The following LIPA variants were observed in gnomAD, a reference collection of about 807,000 sequenced individuals.
LIPA encodes lysosomal acid lipase/cholesteryl ester hydrolase.
Under a neutral mutation model 40.6 loss-of-function variants are expected in LIPA, and 26 were observed. That is an observed-to-expected ratio of 0.64 (90% CI 0.47 to 0.89). The LOEUF (loss-of-function observed/expected upper bound fraction) is 0.89, where lower values mean the gene tolerates loss of function less well. LIPA is among the 40% of genes least tolerant of loss of function. LIPA has a pLI of 0.00. For missense variants in LIPA, 455 were observed against 479.6 expected (o/e 0.95, Z 0.48); for synonymous variants, 188 against 168.4 (o/e 1.12, Z -0.90).
intron 1 of LIPA, chr10:89,339,980 T>C (rs116926108): frequency 1.9e-6 from 3 of 1,614,226 alleles, no homozygotes; most frequent in Non-Finnish European, 2.5e-6. Context: ...GAGAAGGAAC[T>C]GGGCCGCCTG....
At chr10:89,259,035 T>C (rs964891083) in intron 1 of LIPA, among the ~76,000 whole-genome samples, 1 of 152,158 alleles carries the variant, frequency 6.6e-6, no homozygotes, top group African/African-American at 2.4e-5. Flanking sequence ...TGCCTAGGGA[T>C]GATGGTGGGT....
chr10:89,320,279 T>C (rs1407660159), intron 1 of LIPA, among the ~76,000 whole-genome samples: 3 of 152,188 alleles, frequency 2.0e-5, no homozygotes, highest in Non-Finnish European at 4.4e-5. Context: ...AGTCAAATTG[T>C]CCCTGTGTGC....
rs771330022 is a variant in LIPA at position 89,225,115 on chromosome 10, G to C, written c.652C>G (p.Arg218Gly). The C allele has an allele frequency of 1.2e-6, 2 of 1,614,132 alleles. No homozygotes were observed. Among genetic ancestry groups the C allele is most frequent in the South Asian group, 1.1e-5 (1 of 91,076 alleles). Residue 218 changes from arginine to glycine, a missense_variant, in exon 6 of 10, where the codon CGA becomes GGA. Coordinates refer to ENST00000336233, the MANE Select transcript of LIPA (RefSeq NM_000235.4). ...FCTSPMAKLGRLPDHLIKDLF... is the reference protein window; with the variant it reads ...FCTSPMAKLGGLPDHLIKDLF... ...ACCTTAATGAGATGATCTGGTAATCGTCCTAATTTGGCCATAGGGCTAGTA... is the reference window on the plus strand; with the variant it reads ...ACCTTAATGAGATGATCTGGTAATCCTCCTAATTTGGCCATAGGGCTAGTA...
chr10:89,216,141 G>A, intron 8 of LIPA, 132 bp from the exon 9 acceptor site: 1 of 707,518 alleles, frequency 1.4e-6, no homozygotes, highest in South Asian at 1.5e-5. Context: ...TCATTTCCAA[G>A]GCATTATTTT....
chr10:89,397,568 GTCTTACTATGTTGCCCAGACTGA>G (rs1844362796), intron 2 of LIPA, among the ~76,000 whole-genome samples: 1 of 152,108 alleles, frequency 6.6e-6, no homozygotes, highest in South Asian at 2.1e-4. Flanking sequence ...TAGAGACAGG[GTCTTACTATGTTGCCCAGACTGA>G]TCTTAAACTT....
chr10:89,352,048 C>T (rs1033333305), intron 2 of LIPA, among the ~76,000 whole-genome samples: 6 of 152,146 alleles, frequency 3.9e-5, no homozygotes, highest in African/African-American at 1.4e-4. Context: ...TCAGACACAC[C>T]CCTTCCTTAT....
At chr10:89,338,305 C>A in intron 1 of LIPA, 1 of 187,764 alleles carries the variant, frequency 5.3e-6, no homozygotes, top group South Asian at 1.2e-4. Context: ...ACCAGGTAAG[C>A]CAATGGTGAA....
chr10:89,223,662 AT>A, intron 7 of LIPA, 21 bp downstream of exon 7: 1 of 1,586,744 alleles, frequency 6.3e-7, no homozygotes, highest in South Asian at 1.1e-5. Context: ...AAAAAATCAA[AT>A]CTTACTATAA....
At chr10:89,351,242 G>C (rs1364785907) in intron 2 of LIPA, among the ~76,000 whole-genome samples, 2 of 152,212 alleles carry the variant, frequency 1.3e-5, no homozygotes, top group African/African-American at 2.4e-5. Context: ...CTTGAGCCCA[G>C]GAGGTTGAGG....
At chr10:89,411,460 T>G (rs1346143514) in intron 2 of LIPA, among the ~76,000 whole-genome samples, 2 of 152,222 alleles carry the variant, frequency 1.3e-5, no homozygotes, top group Admixed American at 6.5e-5. Context: ...AATTCTAAGT[T>G]AATATGGACT....
chr10:89,324,497 G>A (rs1227050797), intron 1 of LIPA, among the ~76,000 whole-genome samples: 1 of 151,948 alleles, frequency 6.6e-6, no homozygotes, highest in Non-Finnish European at 1.5e-5. Context: ...AAGCAACTAC[G>A]ACAAAACCAA....
intron 1 of LIPA, among the ~76,000 whole-genome samples, chr10:89,324,762 GA>G (rs1426241196): frequency 1.3e-5 from 2 of 152,102 alleles, no homozygotes; most frequent in Non-Finnish European, 1.5e-5. Flanking sequence ...ATAAGAATAT[GA>G]AAAAATATGT....
chr10:89,247,663 C>G lies in LIPA; in HGVS notation c.-1-14G>C. The G allele has an allele frequency of 6.6e-7, 1 of 1,522,946 alleles. No homozygotes were observed. The highest frequency in any genetic ancestry group is 9.1e-7 in the Non-Finnish European group (1 of 1,097,276). The allele number at this position is 1,522,946 out of a possible 1,614,324, so 94.3% of individuals were successfully genotyped here. A position where few individuals can be genotyped will look rare whatever the true frequency, so the allele number is the denominator to read the frequency against. On this transcript the variant is annotated splice_polypyrimidine_tract_variant and intron_variant, in intron 1 of 9. Transcript: ENST00000336233. ...CGCATTTTCATTCTGTATAATAAAA[C>G]AGTCTATTATTATTTGCTTGAATTT... is the stretch of plus-strand genomic sequence containing the variant.
At chr10:89,312,267 C>T (rs185957975) in intron 1 of LIPA, among the ~76,000 whole-genome samples, 1 of 152,006 alleles carries the variant, frequency 6.6e-6, no homozygotes, top group Non-Finnish European at 1.5e-5. Flanking sequence ...ATGGTGAAAC[C>T]CTATCTCTAC....
At chr10:89,291,943 G>A (rs953025081) in intron 1 of LIPA, 1 of 152,174 alleles carries the variant, frequency 6.6e-6, no homozygotes, top group Non-Finnish European at 1.5e-5. Flanking sequence ...TCCAAGTAAA[G>A]ATGGTTAAGA....
chr10:89,392,848 G>A (rs987011981), intron 2 of LIPA: 5 of 903,934 alleles, frequency 5.5e-6, no homozygotes, highest in African/African-American at 1.7e-5. Flanking sequence ...ATCTGCTTAT[G>A]GACTGAATGT....
intron 2 of LIPA, among the ~76,000 whole-genome samples, chr10:89,409,169 A>G (rs1017195802): frequency 3.3e-5 from 5 of 152,212 alleles, no homozygotes; most frequent in African/African-American, 1.2e-4. Flanking sequence ...CACAGATATC[A>G]GGAGAAAGCT....
intron 1 of LIPA, among the ~76,000 whole-genome samples, chr10:89,313,620 T>C (rs11203063): frequency 0.25 from 37,357 of 152,110 alleles, 4,733 homozygotes; most frequent in African/African-American, 0.28. Context: ...GTATTATTCA[T>C]GATGGCCAAA....
intron 1 of LIPA, among the ~76,000 whole-genome samples, chr10:89,287,348 C>T (rs1232041275): frequency 6.6e-6 from 1 of 152,172 alleles, no homozygotes; most frequent in Non-Finnish European, 1.5e-5. Flanking sequence ...GTATTGACGG[C>T]CAGGCTTCTA....
Sources: gnomAD v4.1 joint callset for allele counts (sites outside exome capture counted in the v4.1 genomes callset) on GRCh38, gnomAD v4.1.1 for gene constraint, MANE v1.5 for transcripts, NCBI Gene and HGNC (gene_info 2026-07-23, HGNC 2026-07-21) for gene names.